CREB5: variants seen among roughly 807,000 people sequenced by gnomAD.
CREB5 encodes cyclic AMP-responsive element-binding protein 5.
CREB5 carries 19 observed loss-of-function variants against 57.1 expected under a neutral mutation model. The ratio of observed to expected loss-of-function variants is 0.33; its 90% confidence interval spans 0.23 to 0.49. The LOEUF (loss-of-function observed/expected upper bound fraction) is 0.49. CREB5 is among the 20% of genes least tolerant of loss of function. The pLI is 0.99. For missense variants in CREB5, 579 were observed against 671.6 expected (o/e 0.86, Z 1.52); for synonymous variants, 238 against 238.3 (o/e 1.00, Z 0.01).
chr7:28,728,431 G>C (rs1305206164), intron 7 of CREB5, among the ~76,000 whole-genome samples: 2 of 152,194 alleles, frequency 1.3e-5, no homozygotes, highest in Non-Finnish European at 2.9e-5. Context: ...GATTAAATCA[G>C]ATTCCCTTGG....
intron 5 of CREB5, among the ~76,000 whole-genome samples, chr7:28,584,172 C>T (rs758791837): frequency 2.6e-5 from 4 of 152,164 alleles, no homozygotes; most frequent in African/African-American, 9.7e-5. Flanking sequence ...GCCCCTGGGA[C>T]AGTCCTTTAC....
At chr7:28,761,987 T>C (rs576976297) in intron 7 of CREB5, among the ~76,000 whole-genome samples, 127 of 152,274 alleles carry the variant, frequency 8.3e-4, no homozygotes, top group African/African-American at 2.9e-3. Flanking sequence ...TGTAAATAAC[T>C]GGTTGGGGAT....
In CREB5 at chr7:28,325,740, A is replaced by T. The variant is rs1238932189; in HGVS notation, c.-25+26299A>T. Among the ~76,000 whole-genome samples the T allele has an allele frequency of 1.3e-5, 2 of 152,198 alleles. 1 individual carries two copies. Among genetic ancestry groups the T allele is most frequent in the Admixed American group, 1.3e-4 (2 of 15,286 alleles). On this transcript the variant is annotated intron_variant, in intron 1 of 9. Coordinates refer to the CREB5 transcript ENST00000396299. ...TGCTCACACCTCTGATTTCCATATG[A>T]TCAGCTTCTTCTTCTCACTCAGATG...
intron 1 of CREB5, among the ~76,000 whole-genome samples, chr7:28,466,342 C>A (rs1343749948): frequency 6.6e-6 from 1 of 151,740 alleles, no homozygotes; most frequent in African/African-American, 2.4e-5. Context: ...TTCACTGCTG[C>A]AAGGGAAAGC....
intron 1 of CREB5, among the ~76,000 whole-genome samples, chr7:28,477,969 C>G (rs2128587712): frequency 6.6e-6 from 1 of 152,140 alleles, no homozygotes. Context: ...AAAAAATTAG[C>G]TGGGTGTGGT....
intron 5 of CREB5, among the ~76,000 whole-genome samples, chr7:28,599,754 G>GTTTTGTTTTGTT (rs3041154): frequency 2.7e-5 from 4 of 148,790 alleles, no homozygotes; most frequent in African/African-American, 7.5e-5. Flanking sequence ...GTTTTGTTTT[G>GTTTTGTTTTGTT]TTTTTTTATT....
intron 5 of CREB5, among the ~76,000 whole-genome samples, chr7:28,667,631 A>T (rs1799878079): frequency 6.6e-6 from 1 of 152,184 alleles, no homozygotes; most frequent in South Asian, 2.1e-4. Context: ...GTTAAAAAAG[A>T]AAACTTCTTG....
In CREB5 at chr7:28,560,929, C is replaced by CGTGCGT. The variant is rs1562797931; in HGVS notation, c.292-9433_292-9432insCGTGTG. On this transcript the variant is annotated intron_variant, in intron 4 of 10. Transcript: ENST00000357727. ...GCGTGCGTGTGCGTGTGTGCGCGTG[C>CGTGCGT]GTGTGTGCGTGCGTGTGTGTGCGTG... Among the ~76,000 whole-genome samples the CGTGCGT allele has an allele frequency of 4.3e-4, 13 of 30,452 alleles. 2 individuals carry two copies. The highest frequency in any genetic ancestry group is 1.5e-3 in the South Asian group (1 of 646). 20.0% of individuals were successfully genotyped at this position (30,452 alleles called of 152,430 possible). A position where few individuals can be genotyped will look rare whatever the true frequency, so the allele number is the denominator to read the frequency against.
chr7:28,571,414 T>G (rs1024149624), intron 5 of CREB5, among the ~76,000 whole-genome samples: 1 of 152,122 alleles, frequency 6.6e-6, no homozygotes, highest in Non-Finnish European at 1.5e-5. Flanking sequence ...TACTGCCTCC[T>G]TATTAGCCCT....
chr7:28,673,960 G>T (rs75428394), intron 5 of CREB5, among the ~76,000 whole-genome samples: 9,247 of 151,938 alleles, frequency 0.061, 429 homozygotes, highest in Admixed American at 0.14. Context: ...AGGTGTGGCT[G>T]CCATGTCCAA....
intron 7 of CREB5, among the ~76,000 whole-genome samples, chr7:28,788,879 T>C (rs1466093987): frequency 6.6e-6 from 1 of 150,518 alleles, no homozygotes; most frequent in East Asian, 1.9e-4. Context: ...CCTCAGTACA[T>C]CACAGCCCAC....
At chr7:28,583,786 C>A (rs905952381) in intron 5 of CREB5, among the ~76,000 whole-genome samples, 4 of 152,194 alleles carry the variant, frequency 2.6e-5, no homozygotes, top group East Asian at 3.8e-4. Flanking sequence ...TCAAGCGATT[C>A]TCCTGCCTCA....
intron 1 of CREB5, among the ~76,000 whole-genome samples, chr7:28,377,402 T>C (rs1009715016): frequency 5.3e-5 from 8 of 152,062 alleles, no homozygotes; most frequent in Non-Finnish European, 1.0e-4. Flanking sequence ...TTATTAAAAT[T>C]AATTTCATCT....
intron 7 of CREB5, among the ~76,000 whole-genome samples, chr7:28,753,692 GTGTATA>G (rs1805114974): frequency 6.6e-6 from 1 of 152,090 alleles, no homozygotes; most frequent in Non-Finnish European, 1.5e-5. Flanking sequence ...AAATATTTAT[GTGTATA>G]TGCATTCACA....
At chr7:28,389,102 G>T (rs147241130) in intron 1 of CREB5, among the ~76,000 whole-genome samples, 1 of 152,252 alleles carries the variant, frequency 6.6e-6, no homozygotes, top group Admixed American at 6.5e-5. Flanking sequence ...TATCAACAGC[G>T]TCAGAGCTTT....
intron 1 of CREB5, among the ~76,000 whole-genome samples, chr7:28,365,995 C>A (rs996836804): frequency 6.6e-6 from 1 of 152,100 alleles, no homozygotes; most frequent in Admixed American, 6.5e-5. Context: ...TTATATGGTT[C>A]TTTTTAAATG....
intron 4 of CREB5, among the ~76,000 whole-genome samples, chr7:28,533,953 A>G (rs1793848205): frequency 6.6e-6 from 1 of 152,198 alleles, no homozygotes; most frequent in Non-Finnish European, 1.5e-5. Flanking sequence ...TCCAACATTT[A>G]CTTTTGACAT....
chr7:28,374,163 A>C (rs566087416), intron 1 of CREB5, among the ~76,000 whole-genome samples: 6 of 152,202 alleles, frequency 3.9e-5, no homozygotes, highest in Non-Finnish European at 7.3e-5. Context: ...TAAAACTACA[A>C]GGAGATACCA....
chr7:28,715,616 T>C (rs1271533602), intron 5 of CREB5, among the ~76,000 whole-genome samples: 2 of 152,210 alleles, frequency 1.3e-5, no homozygotes, highest in African/African-American at 4.8e-5. Context: ...GTCTAGTCCT[T>C]TATATACCTA....
Sources: gnomAD v4.1 joint callset for allele counts (sites outside exome capture counted in the v4.1 genomes callset) on GRCh38, gnomAD v4.1.1 for gene constraint, MANE v1.5 for transcripts, NCBI Gene and HGNC (gene_info 2026-07-23, HGNC 2026-07-21) for gene names.